The following CEMIP2 variants were observed in gnomAD, a reference collection of about 807,000 sequenced individuals.
The protein encoded by CEMIP2 is cell surface hyaluronidase CEMIP2.
In CEMIP2, 79 loss-of-function variants were observed where a neutral mutation model predicts 146.9. The observed-to-expected ratio is 0.54, with a 90% CI of 0.45 to 0.65. The LOEUF is 0.65. Among genes scored for constraint, CEMIP2 ranks in the 30% least tolerant of loss-of-function variants. The pLI is 0.00. For missense variants in CEMIP2, 1,596 were observed against 1,696.2 expected (o/e 0.94, Z 1.04); for synonymous variants, 601 against 606.3 (o/e 0.99, Z 0.13).
At chr9:71,727,313 G>T (rs1244791531) in intron 10 of CEMIP2, among the ~76,000 whole-genome samples, 4 of 152,164 alleles carry the variant, frequency 2.6e-5, no homozygotes, top group Admixed American at 6.5e-5. Context: ...TAGATCAGAA[G>T]ATGGCTGTGC....
In CEMIP2 at chr9:71,735,033, A is replaced by C. The variant is rs773076676; in HGVS notation, c.1205-39T>G. The stretch of plus-strand genomic sequence containing the variant: ...AAAAAAAAGAAAAAGAAAGTGATAC[A>C]TTAACAGTATTTTTTTCTCTCTAAA... On this transcript the variant is annotated intron_variant, in intron 5 of 23. Transcript: ENST00000377044. The C allele has an allele frequency of 3.2e-6, 5 of 1,552,260 alleles. No homozygotes were observed. In the East Asian group the frequency reaches 9.0e-5, roughly 28 times the overall value.
At chr9:71,690,044 C>A (rs1160048321) in intron 22 of CEMIP2, 48 bp downstream of exon 22, 1 of 1,599,220 alleles carries the variant, frequency 6.3e-7, no homozygotes, top group South Asian at 1.1e-5. Context: ...TGGAGCACTC[C>A]ACATCTTTAA....
Position 71,690,180 on chromosome 9 carries a change from C to G in CEMIP2, c.3763G>C (p.Val1255Leu). The G allele has an allele frequency of 1.2e-6, 2 of 1,614,136 alleles. No individual in the cohort carries two copies. The highest frequency in any genetic ancestry group is 1.7e-6 in the Non-Finnish European group (2 of 1,180,004). ...GTTTTTTCCGTCAAGCGGAATGGAA[C>G]GCTGCACGGATCCACAACAAGGAGG... ...VLLLVVDPCSVPFRLTEKTVF... is the reference protein window; with the variant it reads ...VLLLVVDPCSLPFRLTEKTVF... Residue 1255 changes from valine to leucine, a missense_variant, in exon 22 of 24, where the codon GTT (valine) becomes CTT (leucine). By Grantham distance (32) the Val-to-Leu change is conservative. Coordinates refer to ENST00000377044, the MANE Select transcript of CEMIP2 (RefSeq NM_013390.3).
intron 5 of CEMIP2, among the ~76,000 whole-genome samples, chr9:71,738,432 T>C (rs376008433): frequency 6.6e-6 from 1 of 152,110 alleles, no homozygotes; most frequent in Non-Finnish European, 1.5e-5. Context: ...GGAGAATTGC[T>C]TGAAACCAGG....
intron 2 of CEMIP2, among the ~76,000 whole-genome samples, chr9:71,747,777 G>A (rs1824130501): frequency 6.6e-6 from 1 of 152,106 alleles, no homozygotes; most frequent in Middle Eastern, 3.4e-3. Flanking sequence ...TCCTGTTTCT[G>A]AGCTCTCACA....
In CEMIP2 at chr9:71,690,263, ATCT is replaced by A. The variant is rs756471230; in HGVS notation, c.3697-20_3697-18del. ...GCCATTGACCTGAGAATGCAAAAAC[ATCT>A]TCTGCTGTCATCATCATTTTGAGAA... On this transcript the variant is annotated intron_variant, in intron 21 of 23. Coordinates refer to ENST00000377044, the MANE Select transcript of CEMIP2 (RefSeq NM_013390.3). 7 of 1,612,222 alleles carry A rather than the reference ATCT, an allele frequency of 4.3e-6. No individual in the cohort carries two copies. The East Asian group carries it at 6.7e-5, about 15-fold the overall frequency.
chr9:71,701,123 T>A (rs999121820), intron 18 of CEMIP2, among the ~76,000 whole-genome samples: 4 of 152,206 alleles, frequency 2.6e-5, no homozygotes, highest in African/African-American at 9.7e-5. Flanking sequence ...TTGTTGTTTT[T>A]GAGATGGAGT....
intron 1 of CEMIP2, among the ~76,000 whole-genome samples, chr9:71,756,506 T>TCA (rs1554689412): frequency 0.019 from 2,167 of 112,426 alleles, 31 homozygotes; most frequent in African/African-American, 0.056. Flanking sequence ...TCTCTCTCTC[T>TCA]CACACACACA....
chr9:71,694,647 C>T, intron 20 of CEMIP2, 40 bp from the exon 21 acceptor site: 2 of 1,355,506 alleles, frequency 1.5e-6, no homozygotes, highest in Non-Finnish European at 2.1e-6. Flanking sequence ...GCAACTCTTA[C>T]CTTCCTCCAA....
At chr9:71,701,304 C>A (rs1266664227) in intron 18 of CEMIP2, among the ~76,000 whole-genome samples, 2 of 152,130 alleles carry the variant, frequency 1.3e-5, no homozygotes, top group Non-Finnish European at 2.9e-5. Flanking sequence ...CAGGGTTTCA[C>A]CATGTTGGCC....
chr9:71,704,991 G>T (rs1822693129), intron 17 of CEMIP2, 188 bp from the exon 18 acceptor site: 2 of 584,320 alleles, frequency 3.4e-6, no homozygotes, highest in Non-Finnish European at 6.0e-6. Context: ...ACTAGAAATG[G>T]TAAAAACAGA....
chr9:71,696,089 AAAAGAT>A (rs2131867905), intron 20 of CEMIP2, among the ~76,000 whole-genome samples: 1 of 152,354 alleles, frequency 6.6e-6, no homozygotes, highest in South Asian at 2.1e-4. Context: ...CTTCATGCAC[AAAAGAT>A]AAAGAATGCT....
intron 1 of CEMIP2, among the ~76,000 whole-genome samples, chr9:71,755,346 T>TACACACACACACACACACACACACAC (rs34581447): frequency 4.1e-4 from 55 of 134,934 alleles, no homozygotes; most frequent in Middle Eastern, 3.6e-3. Flanking sequence ...ACCCTGTCTC[T>TACACACACACACACACACACACACAC]ACACACACAC....
At chr9:71,717,538 A>G (rs1382128859) in intron 13 of CEMIP2, among the ~76,000 whole-genome samples, 2 of 152,250 alleles carry the variant, frequency 1.3e-5, no homozygotes, top group Non-Finnish European at 2.9e-5. Flanking sequence ...ATAAGTCAAC[A>G]GATTTACTGA....
In CEMIP2 at chr9:71,734,848, G is replaced by T. The variant is rs1192552863; in HGVS notation, c.1351C>A (p.Leu451Ile). Residue 451 changes from leucine to isoleucine, a missense_variant, in exon 6 of 24, where the codon CTT (leucine) becomes ATT (isoleucine). By Grantham distance (5) the Leu-to-Ile change is conservative. Transcript: ENST00000377044. Reference protein sequence around the residue: ...SMYQAEEFTLLPCSECSHFQV... With the variant: ...SMYQAEEFTLIPCSECSHFQV... ...AAATGGCTGCATTCAGAACAGGGAA[G>T]AAGAGTGAACTCCTCTGCTTGGTAC... is the stretch of plus-strand genomic sequence containing the variant. 6.2e-7 allele frequency: 1 copy of T among 1,613,796 alleles called. No individual in the cohort carries two copies. The highest frequency in any genetic ancestry group is 2.2e-5 in the East Asian group (1 of 44,864).
chr9:71,734,208 G>GGTTTTTTTTTTTTTTTTTTTTTT (rs374206725), intron 6 of CEMIP2, among the ~76,000 whole-genome samples: 2 of 144,134 alleles, frequency 1.4e-5, no homozygotes, highest in Non-Finnish European at 1.6e-5. Flanking sequence ...ATGAGTTTTT[G>GGTTTTTTTTTTTTTTTTTTTTTT]TTTTTGTTTT....
Position 71,685,767 on chromosome 9 carries a change from T to C in CEMIP2, c.3931A>G (p.Lys1311Glu). The change falls in exon 23 of 24, where the codon AAA (lysine) becomes GAA (glutamate). Residue 1311 changes from lysine to glutamate, a missense_variant. Transcript: ENST00000377044. ...CCTTTGTCATAAAGATGAGCTGGTT[T>C]GGCTAATCCCAGAGGTACTAGTAAG... ...SHLLVPLGLAKPAHLYDKGST... is the reference protein window; with the variant it reads ...SHLLVPLGLAEPAHLYDKGST... The C allele has an allele frequency of 6.2e-7, 1 of 1,613,994 alleles. No individual in the cohort carries two copies. The highest frequency in any genetic ancestry group is 8.5e-7 in the Non-Finnish European group (1 of 1,179,862).
intron 15 of CEMIP2, chr9:71,712,473 T>C: frequency 1.9e-6 from 1 of 539,718 alleles, no homozygotes; most frequent in Non-Finnish European, 3.3e-6. Context: ...AGAAAATAAG[T>C]GCTATAGAGA....
chr9:71,718,176 G>A, intron 12 of CEMIP2, 97 bp from the exon 13 acceptor site: 1 of 1,149,884 alleles, frequency 8.7e-7, no homozygotes, highest in Non-Finnish European at 1.2e-6. Context: ...ATTTAAATTT[G>A]ACCAAAACAA....
Sources: allele counts gnomAD v4.1 joint callset (sites outside exome capture counted in the v4.1 genomes callset), GRCh38; gene constraint gnomAD v4.1.1; transcripts MANE v1.5; gene names NCBI Gene and HGNC (gene_info 2026-07-23, HGNC 2026-07-21).